The following ST3GAL3 variants were observed in gnomAD, a reference collection of about 807,000 sequenced individuals.
The protein encoded by ST3GAL3 is ST3 beta-galactoside alpha-2,3-sialyltransferase 3.
Under a neutral mutation model 50.1 loss-of-function variants are expected in ST3GAL3, and 21 were observed. The ratio of observed to expected loss-of-function variants is 0.42; its 90% CI spans 0.30 to 0.60. The LOEUF (loss-of-function observed/expected upper bound fraction) is 0.60. Among genes scored for constraint, ST3GAL3 ranks in the 20% least tolerant of loss-of-function variants. The pLI is 0.19. For synonymous variants in ST3GAL3, 183 were observed against 190.0 expected, an observed-to-expected ratio of 0.96 and a Z score of 0.30; for missense variants, 353 against 489.4, an observed-to-expected ratio of 0.72 and a Z score of 2.63.
At chr1:43,845,760 A>G (rs1055951388) in intron 5 of ST3GAL3, among the ~76,000 whole-genome samples, 18 of 151,808 alleles carry the variant, frequency 1.2e-4, no homozygotes, top group African/African-American at 4.1e-4. Flanking sequence ...TATTTCTCAT[A>G]TAAACATTGT....
chr1:43,762,930 A>T (rs1280508760), intron 2 of ST3GAL3, among the ~76,000 whole-genome samples: 1 of 152,166 alleles, frequency 6.6e-6, no homozygotes, highest in Non-Finnish European at 1.5e-5. Context: ...AGCCAGACAG[A>T]TAGGAGGGAA....
At chr1:43,898,874 C>T (rs2077791049) in intron 7 of ST3GAL3, among the ~76,000 whole-genome samples, 1 of 152,186 alleles carries the variant, frequency 6.6e-6, no homozygotes, top group Non-Finnish European at 1.5e-5. Flanking sequence ...CCTAGAATGT[C>T]ATCTTACCAA....
chr1:43,708,771 A>G (rs1226170672), intron 1 of ST3GAL3, among the ~76,000 whole-genome samples: 1 of 152,236 alleles, frequency 6.6e-6, no homozygotes, highest in Admixed American at 6.5e-5. Context: ...CTGTCTAACC[A>G]TGGTTTAATA....
chr1:43,723,980 A>G (rs1488702103), intron 1 of ST3GAL3, among the ~76,000 whole-genome samples: 1 of 152,202 alleles, frequency 6.6e-6, no homozygotes, highest in East Asian at 1.9e-4. Flanking sequence ...GAAGTCACAG[A>G]AGAGGATGAC....
rs1424567327 is a variant in ST3GAL3, at chr1:43,899,552, C to T, written c.569C>T (p.Ala190Val). The change falls in exon 9 of 12, where the codon GCA (alanine) becomes GTA (valine). Residue 190 changes from alanine (A) to valine (V), a missense_variant. By Grantham distance (64) the Ala-to-Val change is moderately conservative. Coordinates refer to ENST00000347631, the MANE Select transcript of ST3GAL3 (RefSeq NM_006279.5). The surrounding 1 kb of genome is among the most constrained non-coding windows in gnomAD (Gnocchi z 5.4). ...DYDIVVRLNSAPVKGFEKDVG... is the reference protein window; with the variant it reads ...DYDIVVRLNSVPVKGFEKDVG... ...CCTGCTCTCTGTAGACTGAATTCAG[C>T]ACCAGTGAAAGGCTTTGAGAAGGAC... 1.2e-6 allele frequency: 2 copies of T among 1,613,234 alleles called. No homozygotes were observed. The highest frequency in any genetic ancestry group is 1.7e-6 in the Non-Finnish European group (2 of 1,180,024).
intron 3 of ST3GAL3, among the ~76,000 whole-genome samples, chr1:43,797,215 T>C (rs1201490575): frequency 6.6e-6 from 1 of 151,970 alleles, no homozygotes; most frequent in East Asian, 1.9e-4. Context: ...AATTTAAAAA[T>C]ATTAAAGATT....
At chr1:43,817,862 CTCT>C (rs1229604211) in intron 4 of ST3GAL3, among the ~76,000 whole-genome samples, 2 of 136,708 alleles carry the variant, frequency 1.5e-5, no homozygotes, top group East Asian at 4.7e-4. Flanking sequence ...CCTCCTCCTC[CTCT>C]TCCTCCTCCT....
chr1:43,815,205 G>A (rs2061083897), intron 4 of ST3GAL3, among the ~76,000 whole-genome samples: 2 of 152,174 alleles, frequency 1.3e-5, no homozygotes, highest in Non-Finnish European at 2.9e-5. Flanking sequence ...TGAAGGACTA[G>A]GAGTCTCCTG....
At chr1:43,907,690 C>G (rs2080049289) in intron 9 of ST3GAL3, among the ~76,000 whole-genome samples, 1 of 152,206 alleles carries the variant, frequency 6.6e-6, no homozygotes, top group Non-Finnish European at 1.5e-5. Context: ...GGTCAGTTCT[C>G]TCCTGTCCTG....
chr1:43,851,724 G>A (rs2067341408), intron 5 of ST3GAL3: 3 of 1,197,450 alleles, frequency 2.5e-6, no homozygotes, highest in Non-Finnish European at 3.7e-6. Context: ...CTGTTGACTG[G>A]CATTGCTATT....
At chr1:43,742,966 C>T (rs949042650) in intron 2 of ST3GAL3, among the ~76,000 whole-genome samples, 8 of 151,872 alleles carry the variant, frequency 5.3e-5, no homozygotes, top group Non-Finnish European at 1.0e-4. Flanking sequence ...GGCCTGGTGG[C>T]ACGTGCCTGT....
At position 43,736,218 on chromosome 1, in the gene ST3GAL3, CTT is replaced by C. The variant is rs1275047056; in HGVS notation, c.-30-11_-30-10del. The C allele has an allele frequency of 6.2e-7, 1 of 1,611,838 alleles. No individual in the cohort carries two copies. Among genetic ancestry groups the C allele is most frequent in the Non-Finnish European group, 8.5e-7 (1 of 1,178,120 alleles). ...AGTGCTTTGTCTTTTAAGAACTAAA[CTT>C]TTTCTTTTCTAGGTCATTTAGGAAA... On this transcript the variant is annotated splice_polypyrimidine_tract_variant and intron_variant, in intron 1 of 11. Transcript: ENST00000347631.
At chr1:43,909,235 G>C (rs755583939) in intron 9 of ST3GAL3, among the ~76,000 whole-genome samples, 4 of 152,206 alleles carry the variant, frequency 2.6e-5, no homozygotes. Flanking sequence ...TCTCAGTCAG[G>C]CTCTTTCCTC....
chr1:43,888,244 A>G (rs2076240605), intron 5 of ST3GAL3, among the ~76,000 whole-genome samples: 1 of 152,168 alleles, frequency 6.6e-6, no homozygotes, highest in African/African-American at 2.4e-5. Flanking sequence ...CTAAAAAAGT[A>G]TGGATGAATT....
chr1:43,765,795 G>GCGCGTC (rs1692594758), intron 2 of ST3GAL3, among the ~76,000 whole-genome samples: 1 of 146,604 alleles, frequency 6.8e-6, no homozygotes, highest in Admixed American at 6.6e-5. Flanking sequence ...GCGCGCGCGC[G>GCGCGTC]CGCGCGTCCG....
At chr1:43,725,109 A>G (rs1473007741) in intron 1 of ST3GAL3, among the ~76,000 whole-genome samples, 2 of 152,222 alleles carry the variant, frequency 1.3e-5, no homozygotes, top group East Asian at 3.8e-4. Context: ...AGATGCATGT[A>G]TGTGGAGAGG....
chr1:43,866,616 G>A (rs1017492742), intron 5 of ST3GAL3, among the ~76,000 whole-genome samples: 2 of 151,760 alleles, frequency 1.3e-5, no homozygotes, highest in African/African-American at 2.4e-5. Flanking sequence ...TAAGGAATTA[G>A]GCAGTTGAAA....
At chr1:43,843,358 T>C (rs1398716690) in intron 5 of ST3GAL3, among the ~76,000 whole-genome samples, 1 of 152,234 alleles carries the variant, frequency 6.6e-6, no homozygotes, top group East Asian at 1.9e-4. Flanking sequence ...TTTTTTAGTC[T>C]ATTAATATGA....
chr1:43,804,369 A>G (rs1405083029), intron 3 of ST3GAL3, among the ~76,000 whole-genome samples: 2 of 152,184 alleles, frequency 1.3e-5, no homozygotes, highest in Non-Finnish European at 2.9e-5. Flanking sequence ...CACTTCCTAA[A>G]GATGATGCTT....
Sources: gnomAD v4.1 joint callset for allele counts (sites outside exome capture counted in the v4.1 genomes callset) on GRCh38, gnomAD v4.1.1 for gene constraint, Gnocchi (gnomAD v3.1) non-coding constraint, MANE v1.5 for transcripts, NCBI Gene and HGNC (gene_info 2026-07-23, HGNC 2026-07-21) for gene names.